The following BRWD1 variants were observed in gnomAD, a reference collection of about 807,000 sequenced individuals.
BRWD1 encodes bromodomain and WD repeat domain containing 1.
In BRWD1, 82 loss-of-function variants were observed where a neutral mutation model predicts 251.2. The observed-to-expected ratio is 0.33, with a 90% CI of 0.27 to 0.39. The LOEUF is 0.39. BRWD1 is among the 10% of genes least tolerant of loss of function. The probability of loss-of-function intolerance (pLI) is 1.00; values close to 1 mark genes in which losing one functional copy is unlikely to be tolerated. For missense variants in BRWD1, 2,233 were observed against 2,711.6 expected (o/e 0.82, Z 3.92); for synonymous variants, 918 against 902.8 (o/e 1.02, Z -0.30).
At chr21:39,234,069 T>C (rs1379023964) in intron 23 of BRWD1, among the ~76,000 whole-genome samples, 1 of 152,078 alleles carries the variant, frequency 6.6e-6, no homozygotes, top group East Asian at 1.9e-4. Flanking sequence ...ATGTGTGACT[T>C]CATGAAGTGT....
chr21:39,313,358 A>AGGGGAGGGGGACGGGGCCCGGGGAGCCG, intron 1 of BRWD1, 59 bp from the exon 2 acceptor site: 3 of 1,462,812 alleles, frequency 2.1e-6, no homozygotes, highest in Non-Finnish European at 1.8e-6. Context: ...GGACGGGGCC[A>AGGGGAGGGGGACGGGGCCCGGGGAGCCG]GGGGAGCCGG....
rs2034247035 is a variant in BRWD1 at position 39,247,767 on chromosome 21, A to G, written c.2415T>C (p.Tyr805=). ...CACGCCAGCTACGATTTCTTCTACCATAATTTGGATATTTACGCCTACATG... is the reference window on the plus strand; with the variant it reads ...CACGCCAGCTACGATTTCTTCTACCGTAATTTGGATATTTACGCCTACATG... ...QRTCRRKYPN[Y]GRRNRSWREL... is the part of the protein sequence containing the mutation. The change falls in exon 21 of 41, where the codon TAT becomes TAC. Residue 805 remains tyrosine (Y), a synonymous_variant. Coordinates refer to ENST00000342449, the MANE Select transcript of BRWD1 (RefSeq NM_033656.4). The G allele has an allele frequency of 1.2e-6, 2 of 1,613,634 alleles. No homozygotes were observed. Among genetic ancestry groups the G allele is most frequent in the Non-Finnish European group, 1.7e-6 (2 of 1,179,868 alleles).
At chr21:39,310,895 G>C (rs559583876) in intron 4 of BRWD1, among the ~76,000 whole-genome samples, 2 of 152,032 alleles carry the variant, frequency 1.3e-5, no homozygotes, top group Non-Finnish European at 2.9e-5. Context: ...AAAAGACTTT[G>C]AAAGTTTAGA....
chr21:39,312,995 G>GGGGCCGGGGGC, intron 3 of BRWD1, 77 bp downstream of exon 3: 1 of 1,118,338 alleles, frequency 8.9e-7, no homozygotes, highest in Non-Finnish European at 1.1e-6. Flanking sequence ...CGGCGGGCGG[G>GGGGCCGGGGGC]GGGCGCGGGC....
intron 4 of BRWD1, among the ~76,000 whole-genome samples, chr21:39,305,227 G>C (rs78435584): frequency 0.052 from 7,842 of 152,024 alleles, 702 homozygotes; most frequent in African/African-American, 0.18. Flanking sequence ...CTAAAGTGTT[G>C]GGATTACATG....
In BRWD1 at chr21:39,238,545, G is replaced by A. The variant is rs765353081; in HGVS notation, c.2510C>T (p.Ser837Phe). The change falls in exon 22 of 41, where the codon TCT (serine) becomes TTT (phenylalanine). Residue 837 changes from serine (S) to phenylalanine (F), a missense_variant. Ser to Phe is a radical substitution (Grantham distance 155). This residue lies in a region of BRWD1 where 214 missense variants were observed against 222.0 expected (regional missense o/e 0.96). Transcript: ENST00000342449. Reference protein sequence around the residue: ...HETSCDQSEGSGSSEEDEWRS... With the variant: ...HETSCDQSEGFGSSEEDEWRS... ...CCATTCATCCTCTTCTGAAGAACCA[G>A]AACCTTCACTCTGATCACAGGAAGT... 13 of 1,613,580 alleles carry A rather than the reference G, an allele frequency of 8.1e-6. No homozygotes were observed. In the South Asian group the frequency reaches 1.4e-4, roughly 18 times the overall value.
intron 37 of BRWD1, among the ~76,000 whole-genome samples, chr21:39,203,282 T>C (rs1041948650): frequency 6.6e-6 from 1 of 151,966 alleles, no homozygotes; most frequent in Non-Finnish European, 1.5e-5. Context: ...CATGACCCCA[T>C]GCCTACAAAA....
At chr21:39,306,638 T>A (rs564669139) in intron 4 of BRWD1, among the ~76,000 whole-genome samples, 47 of 152,164 alleles carry the variant, frequency 3.1e-4, no homozygotes, top group Non-Finnish European at 5.9e-4. Flanking sequence ...ATTTAGTGTA[T>A]CATTAGAAAA....
intron 4 of BRWD1, among the ~76,000 whole-genome samples, chr21:39,305,068 T>A (rs143757413): frequency 0.015 from 2,247 of 150,502 alleles, 43 homozygotes; most frequent in African/African-American, 0.049. Flanking sequence ...CAAGCAATTC[T>A]CCTGCCTCAA....
At chr21:39,278,675 A>T in intron 10 of BRWD1, 68 bp downstream of exon 10, 2 of 1,232,766 alleles carry the variant, frequency 1.6e-6, no homozygotes, top group Non-Finnish European at 2.3e-6. Context: ...AGTTCTTAGC[A>T]ACCAAGTGGT....
rs576918695 is a variant in BRWD1, at chr21:39,199,145, C to T, written c.5271G>A (p.Glu1757=). 4 of 1,613,914 alleles carry T rather than the reference C, an allele frequency of 2.5e-6. No individual in the cohort carries two copies. The highest frequency in any genetic ancestry group is 3.4e-6 in the Non-Finnish European group (4 of 1,180,002). The change falls in exon 40 of 41, where the codon GAG becomes GAA. Residue 1757 remains glutamate (E), a synonymous_variant. Coordinates refer to ENST00000342449, the MANE Select transcript of BRWD1 (RefSeq NM_033656.4). ...CTGAATCATGACTTTTAGAGTCTTC[C>T]TCAGAAGACTCTATTTTAAGAAATT... ...KTKFLKIESS[E]EDSKSHDSDH...
chr21:39,313,020 G>A (rs1023855819), intron 3 of BRWD1, 52 bp downstream of exon 3: 4 of 1,296,790 alleles, frequency 3.1e-6, no homozygotes, highest in Non-Finnish European at 2.0e-6. Flanking sequence ...ATCCCTCAGG[G>A]CAAGGTCGGC....
intron 28 of BRWD1, among the ~76,000 whole-genome samples, 182 bp downstream of exon 28, chr21:39,224,904 G>A (rs1439762483): frequency 1.3e-5 from 2 of 152,124 alleles, no homozygotes; most frequent in Admixed American, 6.6e-5. Context: ...TGAACCAAGG[G>A]GAGTACTGGT....
chr21:39,209,304 A>T (rs956857088), intron 36 of BRWD1, among the ~76,000 whole-genome samples: 12 of 152,178 alleles, frequency 7.9e-5, no homozygotes, highest in Non-Finnish European at 1.3e-4. Context: ...AAAAAAATAA[A>T]AAATAAAAAT....
At chr21:39,271,077 G>A (rs1480602974) in intron 13 of BRWD1, among the ~76,000 whole-genome samples, 2 of 151,962 alleles carry the variant, frequency 1.3e-5, no homozygotes, top group Admixed American at 6.6e-5. Flanking sequence ...GGCAGATCAC[G>A]AGGTCAGCGG....
chr21:39,198,689 G>A, intron 40 of BRWD1, 74 bp downstream of exon 40: 12 of 1,368,982 alleles, frequency 8.8e-6, no homozygotes, highest in East Asian at 2.4e-5. Flanking sequence ...TTTTCGGGGG[G>A]AAAAAACCAA....
chr21:39,288,611 T>G (rs1439827794), intron 8 of BRWD1, among the ~76,000 whole-genome samples: 1 of 152,178 alleles, frequency 6.6e-6, no homozygotes, highest in Non-Finnish European at 1.5e-5. Flanking sequence ...AACTTCTGAC[T>G]CCCAAAAAAC....
intron 19 of BRWD1, among the ~76,000 whole-genome samples, chr21:39,254,477 A>AT (rs2034499269): frequency 6.6e-6 from 1 of 152,200 alleles, no homozygotes; most frequent in Non-Finnish European, 1.5e-5. Flanking sequence ...TCAATAAAGA[A>AT]TATCAGAAAT....
At chr21:39,320,053 C>T (rs2036732747) in intron 1 of BRWD1, among the ~76,000 whole-genome samples, 2 of 152,192 alleles carry the variant, frequency 1.3e-5, no homozygotes, top group South Asian at 4.1e-4. Context: ...CTACTCTCCT[C>T]CCTCCCTGCT....
Sources: gnomAD v4.1 joint callset for allele counts (sites outside exome capture counted in the v4.1 genomes callset) on GRCh38, gnomAD v4.1.1 for gene constraint, gnomAD v4.1.1 regional missense constraint, MANE v1.5 for transcripts, NCBI Gene and HGNC (gene_info 2026-07-23, HGNC 2026-07-21) for gene names.